Variants in PREX2 observed in about 807,000 individuals in gnomAD.
The protein encoded by PREX2 is phosphatidylinositol-3,4,5-trisphosphate dependent Rac exchange factor 2.
PREX2 carries 107 observed loss-of-function variants against 203.2 expected under a neutral mutation model. That is an observed-to-expected ratio of 0.53 (90% CI 0.45 to 0.62). The LOEUF (loss-of-function observed/expected upper bound fraction) is 0.62. Ranked by LOEUF, PREX2 falls within the 20% of genes least tolerant of loss-of-function variation. The pLI, the probability that PREX2 is intolerant of heterozygous loss-of-function variation, is 0.00. For missense variants in PREX2, 1,777 were observed against 1,955.9 expected (o/e 0.91, Z 1.72); for synonymous variants, 672 against 663.6 (o/e 1.01, Z -0.19).
intron 15 of PREX2, 64 bp from the exon 16 acceptor site, chr8:68,080,379 G>C (rs1422843556): frequency 2.1e-6 from 3 of 1,417,728 alleles, no homozygotes; most frequent in Admixed American, 1.7e-5. Flanking sequence ...AAATGTCACT[G>C]CTATTGAAAA....
At position 68,192,510 on chromosome 8, in the gene PREX2, G is replaced by A. The variant is rs773147130; in HGVS notation, c.4589G>A (p.Ser1530Asn). 2 of 1,611,876 alleles carry A rather than the reference G, an allele frequency of 1.2e-6. No individual in the cohort carries two copies. Among genetic ancestry groups the A allele is most frequent in the South Asian group, 1.1e-5 (1 of 90,908 alleles). Residue 1530 changes from serine to asparagine, a missense_variant, in exon 37 of 40, where the codon AGC becomes AAC. Coordinates refer to ENST00000288368, the MANE Select transcript of PREX2 (RefSeq NM_024870.4). The part of the protein sequence containing the change: ...RLGACHIIMC[S>N]SGVHRCTLSV... ...GGCGCCTGCCACATCATCATGTGCA[G>A]CAGCGGTGTGCATCGGTATGTGACC...
intron 1 of PREX2, among the ~76,000 whole-genome samples, chr8:67,999,769 A>G (rs1806885253): frequency 6.6e-6 from 1 of 152,216 alleles, no homozygotes; most frequent in Admixed American, 6.5e-5. Flanking sequence ...ATCCACTATG[A>G]TTAAGTAGGC....
chr8:68,072,884 T>C (rs1809240816), intron 14 of PREX2, among the ~76,000 whole-genome samples: 1 of 152,192 alleles, frequency 6.6e-6, no homozygotes, highest in Admixed American at 6.5e-5. Flanking sequence ...TTTTATGTTT[T>C]TTACACTTTG....
At position 68,212,816 on chromosome 8, in the gene PREX2, A is replaced by G. The variant is rs116001875; in HGVS notation, c.4605-4800A>G. Reference sequence around the variant, plus strand: ...TCCAACATCAAAATGAGTTATTACTAATGTCTTATACATTTTTAAATTGCT... The same window carrying G: ...TCCAACATCAAAATGAGTTATTACTGATGTCTTATACATTTTTAAATTGCT... On this transcript the variant is annotated intron_variant, in intron 37 of 39. Coordinates refer to ENST00000288368, the MANE Select transcript of PREX2 (RefSeq NM_024870.4). Among the ~76,000 whole-genome samples, 1,373 of 152,348 alleles carry G rather than the reference A, an allele frequency of 9.0e-3. 16 individuals are homozygous for G. Among genetic ancestry groups the G allele is most frequent in the African/African-American group, 0.03 (1,247 of 41,584 alleles).
chr8:68,141,771 G>T (rs1035164201), intron 33 of PREX2, among the ~76,000 whole-genome samples: 1 of 152,166 alleles, frequency 6.6e-6, no homozygotes, highest in African/African-American at 2.4e-5. Flanking sequence ...AGGATGGGAT[G>T]GCACTGTTGA....
intron 37 of PREX2, among the ~76,000 whole-genome samples, chr8:68,204,678 C>CTTTTTTTTTTTTTT (rs1192583427): frequency 1.1e-4 from 9 of 83,426 alleles, no homozygotes; most frequent in South Asian, 5.3e-4. Flanking sequence ...TTTCTTCTTT[C>CTTTTTTTTTTTTTT]TTTTTTTTTT....
At chr8:68,193,279 G>T (rs1282655422) in intron 37 of PREX2, among the ~76,000 whole-genome samples, 2 of 152,226 alleles carry the variant, frequency 1.3e-5, no homozygotes, top group African/African-American at 2.4e-5. Flanking sequence ...CCTAAGTAGG[G>T]AGCTAGTCTG....
At chr8:68,083,518 T>G in intron 18 of PREX2, 130 bp downstream of exon 18, 4 of 567,580 alleles carry the variant, frequency 7.0e-6, no homozygotes, top group Non-Finnish European at 1.2e-5. Flanking sequence ...ACCGGTATCA[T>G]TAATACTGGT....
chr8:68,078,904 A>G (rs913402815), intron 15 of PREX2, among the ~76,000 whole-genome samples: 1 of 152,236 alleles, frequency 6.6e-6, no homozygotes, highest in African/African-American at 2.4e-5. Flanking sequence ...AGTGTAGCTC[A>G]TGCCTGGCTT....
intron 7 of PREX2, among the ~76,000 whole-genome samples, chr8:68,040,844 T>C (rs763236051): frequency 6.6e-6 from 1 of 152,024 alleles, no homozygotes; most frequent in Non-Finnish European, 1.5e-5. Context: ...AATGAATGAG[T>C]GAATGGAACA....
intron 38 of PREX2, among the ~76,000 whole-genome samples, chr8:68,222,200 A>G (rs1812966729): frequency 6.6e-6 from 1 of 152,188 alleles, no homozygotes; most frequent in Non-Finnish European, 1.5e-5. Context: ...TTCTCCCAGT[A>G]GTAAAGAGCA....
At position 68,153,703 on chromosome 8, in the gene PREX2, T is replaced by C. The variant is rs185653903; in HGVS notation, c.4232-3619T>C. On this transcript the variant is annotated intron_variant, in intron 34 of 39. Transcript: ENST00000288368. ...CTAAAATAGGGAATGTTGTCATCTT[T>C]CCTCTTCTCTGTCATACAAATTTTA... is the stretch of plus-strand genomic sequence containing the variant. Among the ~76,000 whole-genome samples, 73 of 152,328 alleles carry C rather than the reference T, an allele frequency of 4.8e-4. 2 individuals are homozygous for C. The South Asian group carries it at 6.4e-3, about 13-fold the overall frequency.
intron 33 of PREX2, among the ~76,000 whole-genome samples, chr8:68,139,220 G>C (rs1811171911): frequency 6.6e-6 from 1 of 152,208 alleles, no homozygotes; most frequent in Non-Finnish European, 1.5e-5. Flanking sequence ...GGATACCAAT[G>C]AAGGGGCAGA....
chr8:67,981,901 C>T (rs551516099), intron 1 of PREX2, among the ~76,000 whole-genome samples: 8 of 152,240 alleles, frequency 5.3e-5, no homozygotes, highest in Middle Eastern at 3.4e-3. Flanking sequence ...CCATAAGAAT[C>T]GCAGCTATCA....
At chr8:68,181,344 T>A (rs1171867378) in intron 35 of PREX2, among the ~76,000 whole-genome samples, 1 of 152,162 alleles carries the variant, frequency 6.6e-6, no homozygotes, top group Non-Finnish European at 1.5e-5. Flanking sequence ...TCTGTATATC[T>A]ATAATTCTAG....
intron 38 of PREX2, among the ~76,000 whole-genome samples, chr8:68,221,917 G>A (rs538174583): frequency 1.3e-5 from 2 of 152,226 alleles, no homozygotes; most frequent in Non-Finnish European, 1.5e-5. Context: ...ACTAATTTAT[G>A]TGTTACTAAG....
chr8:68,217,819 G>A, intron 38 of PREX2, 101 bp downstream of exon 38: 1 of 727,034 alleles, frequency 1.4e-6, no homozygotes, highest in Non-Finnish European at 2.1e-6. Context: ...TGGATGTGAT[G>A]GACAGTTTAC....
At chr8:68,154,659 C>T (rs1388697826) in intron 34 of PREX2, among the ~76,000 whole-genome samples, 3 of 152,160 alleles carry the variant, frequency 2.0e-5, no homozygotes, top group African/African-American at 4.8e-5. Context: ...TTTCGTTGAG[C>T]CAGTTACAAC....
rs569351451 is a variant in PREX2, at chr8:68,224,704, A to G, written c.4775+78A>G. The G allele has an allele frequency of 5.6e-6, 6 of 1,070,362 alleles. No individual in the cohort carries two copies. The Admixed American group carries it at 8.9e-5, about 16-fold the overall frequency. The allele number at this position is 1,070,362 out of a possible 1,614,324, so 66.3% of individuals were successfully genotyped here. A position where few individuals can be genotyped will look rare whatever the true frequency, so the allele number is the denominator to read the frequency against. ...CCGGCAGTGTCCCTCCGCTAATGCA[A>G]CTGATCTAGGATGTGCCCCGTGTCG... On this transcript the variant is annotated intron_variant, in intron 39 of 39. Coordinates refer to ENST00000288368, the MANE Select transcript of PREX2 (RefSeq NM_024870.4).
Sources: allele counts gnomAD v4.1 joint callset (sites outside exome capture counted in the v4.1 genomes callset), GRCh38; gene constraint gnomAD v4.1.1; transcripts MANE v1.5; gene names NCBI Gene and HGNC (gene_info 2026-07-23, HGNC 2026-07-21).